ATP6V1B1: variants seen among roughly 807,000 people sequenced by gnomAD.
ATP6V1B1 encodes ATPase H+ transporting V1 subunit B1, also known as V-type proton ATPase subunit B, kidney isoform.
A neutral mutation model predicts 62.1 loss-of-function variants in ATP6V1B1; 41 were observed. The ratio of observed to expected loss-of-function variants is 0.66; its 90% CI spans 0.51 to 0.86. The LOEUF (loss-of-function observed/expected upper bound fraction) is 0.86. Ranked by LOEUF, ATP6V1B1 falls within the 40% of genes least tolerant of loss-of-function variation. The probability of loss-of-function intolerance (pLI) is 0.00; values close to 1 mark genes in which losing one functional copy is unlikely to be tolerated. For synonymous variants in ATP6V1B1, 253 were observed against 273.4 expected (o/e 0.93, Z 0.74); for missense variants, 651 against 697.5 (o/e 0.93, Z 0.75).
Position 70,951,264 on chromosome 2 carries a change from C to G in ATP6V1B1, c.175-6782C>G, listed in dbSNP as rs143418911. ...GGCCTTCCTGAATCTTTTGAGGGTA[C>G]GCTAAGCTCAAGTACTTCAGTGTAT... is the stretch of plus-strand genomic sequence containing the variant. On this transcript the variant is annotated intron_variant, in intron 2 of 13. Transcript: ENST00000234396. 3.9e-3 allele frequency among the ~76,000 whole-genome samples: 593 copies of G among 152,088 alleles called. 5 individuals carry two copies. Among genetic ancestry groups the G allele is most frequent in the African/African-American group, 0.014 (569 of 41,478 alleles).
intron 1 of ATP6V1B1, among the ~76,000 whole-genome samples, chr2:70,942,640 T>G (rs1290881612): frequency 6.6e-6 from 1 of 152,202 alleles, no homozygotes; most frequent in Non-Finnish European, 1.5e-5. Flanking sequence ...GCTACAGATG[T>G]GCTGTGTGGC....
intron 7 of ATP6V1B1, 119 bp downstream of exon 7, chr2:70,961,141 G>A (rs1680576351): frequency 3.6e-6 from 4 of 1,108,058 alleles, no homozygotes; most frequent in Non-Finnish European, 5.3e-6. Flanking sequence ...CCAGCCAGGA[G>A]GGGTGAGGAT....
Position 70,961,129 on chromosome 2 carries a change from G to A in ATP6V1B1, c.687+107G>A, listed in dbSNP as rs1572921459. On this transcript the variant is annotated intron_variant, in intron 7 of 13. Coordinates refer to ENST00000234396, the MANE Select transcript of ATP6V1B1 (RefSeq NM_001692.4). ...CTGATGGGGAAGCCATCAGTGTCCC[G>A]GCCAGCCAGGAGGGGTGAGGATGGG... 6.6e-6 allele frequency: 8 copies of A among 1,221,024 alleles called. No individual in the cohort carries two copies. In the East Asian group the frequency reaches 1.0e-4, roughly 16 times the overall value. 75.6% of individuals were successfully genotyped at this position (1,221,024 alleles called of 1,614,324 possible). A position where few individuals can be genotyped will look rare whatever the true frequency, so the allele number is the denominator to read the frequency against.
chr2:70,965,293 C>T lies in ATP6V1B1; in HGVS notation c.*172C>T. 2.1e-6 allele frequency: 2 copies of T among 959,014 alleles called. No homozygotes were observed. Among genetic ancestry groups the T allele is most frequent in the Non-Finnish European group, 3.1e-6 (2 of 653,414 alleles). 59.4% of individuals were successfully genotyped at this position (959,014 alleles called of 1,614,324 possible). A position where few individuals can be genotyped will look rare whatever the true frequency, so the allele number is the denominator to read the frequency against. ...CCCTTTCCCTCGCTCGATTCCTTTT[C>T]CCGCGCTCCATGCCTCCCCCTCGAC... On this transcript the variant is annotated 3_prime_UTR_variant, in exon 14 of 14. Transcript: ENST00000234396.
chr2:70,949,536 C>A (rs1278484907), intron 2 of ATP6V1B1, among the ~76,000 whole-genome samples: 1 of 152,118 alleles, frequency 6.6e-6, no homozygotes, highest in Admixed American at 6.5e-5. Context: ...TTCACATTTC[C>A]ACCAACCAGG....
Position 70,964,531 on chromosome 2 carries a change from T to C in ATP6V1B1, c.1237T>C (p.Ser413Pro). Residue 413 changes from serine to proline, a missense_variant, in exon 12 of 14, where the codon TCC becomes CCC. By Grantham distance (74) the Ser-to-Pro change is moderately conservative. Transcript: ENST00000234396. ...GMTRKDHGDV[S>P]NQLYACYAIG... ...GACAAGAAAGGACCATGGAGATGTC[T>C]CCAACCAGCTGGTAAGGAGAAGAGG... The C allele has an allele frequency of 6.2e-7, 1 of 1,614,106 alleles. No individual in the cohort carries two copies. The highest frequency in any genetic ancestry group is 8.5e-7 in the Non-Finnish European group (1 of 1,179,996).
In ATP6V1B1 at chr2:70,964,502, G is replaced by A; in HGVS notation, c.1208G>A (p.Gly403Asp). Residue 403 changes from glycine to aspartate, a missense_variant, in exon 12 of 14, where the codon GGC becomes GAC. Gly to Asp is a moderately conservative substitution (Grantham distance 94). Coordinates refer to ENST00000234396, the MANE Select transcript of ATP6V1B1 (RefSeq NM_001692.4). ...CTGATGAAGTCAGCCATTGGGGAAG[G>A]CATGACAAGAAAGGACCATGGAGAT... Reference protein sequence around the residue: ...SRLMKSAIGEGMTRKDHGDVS... With the variant: ...SRLMKSAIGEDMTRKDHGDVS... 6.2e-7 allele frequency: 1 copy of A among 1,614,156 alleles called. No homozygotes were observed. The highest frequency in any genetic ancestry group is 8.5e-7 in the Non-Finnish European group (1 of 1,180,040).
chr2:70,952,348 A>G (rs996607111), intron 2 of ATP6V1B1, among the ~76,000 whole-genome samples: 2 of 152,030 alleles, frequency 1.3e-5, no homozygotes, highest in African/African-American at 4.8e-5. Flanking sequence ...CTGTAATCCC[A>G]GCTACTTGAG....
At position 70,962,917 on chromosome 2, in the gene ATP6V1B1, G is replaced by A; in HGVS notation, c.909+17G>A. ...TTGCGGGAGGTAAGCTGGCTAGCAA[G>A]GGGTGTCAGATTCCTCCCTACCCCT... On this transcript the variant is annotated intron_variant, in intron 9 of 13. Coordinates refer to ENST00000234396, the MANE Select transcript of ATP6V1B1 (RefSeq NM_001692.4). The A allele has an allele frequency of 1.2e-6, 2 of 1,613,642 alleles. No individual in the cohort carries two copies. The highest frequency in any genetic ancestry group is 2.7e-5 in the African/African-American group (2 of 75,022).
intron 1 of ATP6V1B1, among the ~76,000 whole-genome samples, chr2:70,937,247 C>T: frequency 6.6e-6 from 1 of 152,112 alleles, no homozygotes; most frequent in East Asian, 1.9e-4. Flanking sequence ...TCCCTCTGTT[C>T]CTCTGTTGCT....
intron 1 of ATP6V1B1, chr2:70,941,842 G>A (rs1424414299): frequency 1.2e-5 from 12 of 985,898 alleles, no homozygotes; most frequent in Admixed American, 6.1e-5. Flanking sequence ...AGAGGAGGCT[G>A]ACAGGCGGCC....
chr2:70,955,007 T>C (rs1553418822), intron 2 of ATP6V1B1, among the ~76,000 whole-genome samples: 1 of 152,200 alleles, frequency 6.6e-6, no homozygotes, highest in East Asian at 1.9e-4. Flanking sequence ...GCCAAGTCTG[T>C]GACCTCCTCT....
intron 1 of ATP6V1B1, among the ~76,000 whole-genome samples, chr2:70,937,299 C>G (rs946376934): frequency 1.3e-5 from 2 of 152,000 alleles, no homozygotes; most frequent in Non-Finnish European, 2.9e-5. Context: ...CAGAGGGTAG[C>G]TGAGGGGTGA....
In ATP6V1B1 at chr2:70,964,441, T is replaced by C; in HGVS notation, c.1147T>C (p.Tyr383His). The change falls in exon 12 of 14, where the codon TAC becomes CAC. Residue 383 changes from tyrosine (Y) to histidine (H), a missense_variant. By Grantham distance (83) the Tyr-to-His change is moderately conservative (BLOSUM62 2). Transcript: ENST00000234396. ...VDRQLHNRQIYPPINVLPSLS... is the reference protein window; with the variant it reads ...VDRQLHNRQIHPPINVLPSLS... Reference sequence around the variant, plus strand: ...CTCCCTTTTTCTTCTCCCTCAGATCTACCCCCCCATCAACGTGCTCCCTTC... The same window carrying C: ...CTCCCTTTTTCTTCTCCCTCAGATCCACCCCCCCATCAACGTGCTCCCTTC... 6.2e-7 allele frequency: 1 copy of C among 1,614,080 alleles called. No homozygotes were observed. Among genetic ancestry groups the C allele is most frequent in the East Asian group, 2.2e-5 (1 of 44,850 alleles).
intron 1 of ATP6V1B1, chr2:70,940,530 T>C (rs1679966630): frequency 1.0e-6 from 1 of 985,420 alleles, no homozygotes; most frequent in African/African-American, 1.7e-5. Flanking sequence ...GACAATCTGA[T>C]CCAAACACCA....
chr2:70,947,461 C>G (rs1364498437), intron 2 of ATP6V1B1: 2 of 152,164 alleles, frequency 1.3e-5, no homozygotes, highest in African/African-American at 2.4e-5. Context: ...AACCTCTGTT[C>G]TAGAGAATCT....
Position 70,965,411 on chromosome 2 carries a change from A to G in ATP6V1B1, c.*290A>G. On this transcript the variant is annotated 3_prime_UTR_variant, in exon 14 of 14. Coordinates refer to ENST00000234396, the MANE Select transcript of ATP6V1B1 (RefSeq NM_001692.4). ...TTAAAAGCCCACAAAATAAAAATAA[A>G]AAGTAACTGAGATGAATTTACCTTC... 1 of 516,058 alleles carries G rather than the reference A, an allele frequency of 1.9e-6. No individual in the cohort carries two copies. Among genetic ancestry groups the G allele is most frequent in the Non-Finnish European group, 3.5e-6 (1 of 287,008 alleles). 32.0% of individuals were successfully genotyped at this position (516,058 alleles called of 1,614,324 possible).
At chr2:70,945,668 A>C (rs1680141386) in intron 2 of ATP6V1B1, among the ~76,000 whole-genome samples, 2 of 131,970 alleles carry the variant, frequency 1.5e-5, no homozygotes, top group African/African-American at 5.6e-5. Context: ...TTGTGTTGGG[A>C]ATATTAGTAT....
rs1680638353 is a variant in ATP6V1B1 at position 70,963,422 on chromosome 2, C to T, written c.1060+110C>T. On this transcript the variant is annotated intron_variant, in intron 10 of 13. Coordinates refer to ENST00000234396, the MANE Select transcript of ATP6V1B1 (RefSeq NM_001692.4). This position sits in a 1 kb window ranked among gnomAD's most constrained non-coding sequence, Gnocchi z 4.3. The stretch of plus-strand genomic sequence containing the variant: ...GCACAGATGTGCAGCAGCGCTTTTC[C>T]TCCATCGAGATAGACACTGCCCTTT... 6.4e-7 allele frequency: 1 copy of T among 1,562,138 alleles called. No individual in the cohort carries two copies. Among genetic ancestry groups the T allele is most frequent in the Admixed American group, 1.7e-5 (1 of 58,294 alleles).
Sources: allele counts gnomAD v4.1 joint callset (sites outside exome capture counted in the v4.1 genomes callset), GRCh38; gene constraint gnomAD v4.1.1; non-coding constraint Gnocchi (gnomAD v3.1); transcripts MANE v1.5; gene names NCBI Gene and HGNC (gene_info 2026-07-23, HGNC 2026-07-21).